Variants in FSTL4 observed in about 807,000 individuals in gnomAD.
The protein encoded by FSTL4 is follistatin-related protein 4.
Under a neutral mutation model 78.2 loss-of-function variants are expected in FSTL4, and 28 were observed. The ratio of observed to expected loss-of-function variants is 0.36; its 90% CI spans 0.27 to 0.49. The LOEUF (loss-of-function observed/expected upper bound fraction) is 0.49, where lower values mean the gene tolerates loss of function less well. FSTL4 is among the 20% of genes least tolerant of loss of function. FSTL4 has a pLI of 0.98. For synonymous variants in FSTL4, 422 were observed against 440.5 expected (o/e 0.96, Z 0.53); for missense variants, 922 against 1,084.9 (o/e 0.85, Z 2.11).
At position 133,213,844 on chromosome 5, in the gene FSTL4, C is replaced by T. The variant is rs750354503; in HGVS notation, c.1608+3385G>A. ...TAAATTAGATAAAAACCCAACTACA[C>T]GTGGCTTTATAAAAGAGGACCTTAA... On this transcript the variant is annotated intron_variant, in intron 13 of 15. Coordinates refer to ENST00000265342, the MANE Select transcript of FSTL4 (RefSeq NM_015082.2). Among the ~76,000 whole-genome samples, 9 of 152,020 alleles carry T rather than the reference C, an allele frequency of 5.9e-5. No homozygotes were observed. In the South Asian group the frequency reaches 1.0e-3, roughly 18 times the overall value.
At chr5:133,438,726 A>C (rs1435158264) in intron 3 of FSTL4, among the ~76,000 whole-genome samples, 1 of 152,224 alleles carries the variant, frequency 6.6e-6, no homozygotes, top group Non-Finnish European at 1.5e-5. Flanking sequence ...CACCTCATGG[A>C]AATGACATTA....
chr5:133,625,603 T>C, the FSTL4 span, among the ~76,000 whole-genome samples: 2 of 149,192 alleles, frequency 1.3e-5, no homozygotes, highest in Admixed American at 1.4e-4. Flanking sequence ...GTTTTTGTTT[T>C]CAATGTCATC....
intron 4 of FSTL4, among the ~76,000 whole-genome samples, chr5:133,341,004 C>G (rs891320674): frequency 6.6e-6 from 1 of 151,954 alleles, no homozygotes; most frequent in Admixed American, 6.6e-5. Context: ...CACCCCAAGG[C>G]CCAGGTGCGG....
At chr5:133,415,784 T>C (rs1756570275) in intron 3 of FSTL4, among the ~76,000 whole-genome samples, 1 of 152,150 alleles carries the variant, frequency 6.6e-6, no homozygotes, top group Admixed American at 6.5e-5. Context: ...AATCTAACAG[T>C]ATATAAATAT....
intron 6 of FSTL4, among the ~76,000 whole-genome samples, chr5:133,283,370 C>A (rs377034193): frequency 6.6e-6 from 1 of 152,134 alleles, no homozygotes; most frequent in African/African-American, 2.4e-5. Flanking sequence ...TGGACAGTGA[C>A]CTGGGCCCTG....
intron 7 of FSTL4, 130 bp downstream of exon 7, chr5:133,249,280 G>A: frequency 1.4e-6 from 1 of 720,784 alleles, no homozygotes; most frequent in African/African-American, 1.7e-5. Flanking sequence ...GCTGACAACA[G>A]GCTAGAAAAG....
intron 4 of FSTL4, among the ~76,000 whole-genome samples, chr5:133,329,946 C>T (rs1484156041): frequency 6.6e-6 from 1 of 152,198 alleles, no homozygotes; most frequent in Non-Finnish European, 1.5e-5. Flanking sequence ...CAAAGGCATT[C>T]CAAGGATGCA....
the FSTL4 span, among the ~76,000 whole-genome samples, chr5:133,836,040 T>C: frequency 1.3e-5 from 2 of 152,192 alleles, no homozygotes; most frequent in Admixed American, 1.3e-4. Context: ...CAGTAAAAGT[T>C]ACTTTTTCTC....
chr5:133,711,106 C>T, the FSTL4 span, among the ~76,000 whole-genome samples: 4 of 152,176 alleles, frequency 2.6e-5, no homozygotes, highest in Non-Finnish European at 5.9e-5. Flanking sequence ...TACCAAAGAG[C>T]AGTACAACCC....
intron 2 of FSTL4, among the ~76,000 whole-genome samples, chr5:133,590,279 A>T (rs1463867297): frequency 6.6e-6 from 1 of 152,086 alleles, no homozygotes; most frequent in African/African-American, 2.4e-5. Flanking sequence ...CACCCTAGAG[A>T]TGTCCCTGGT....
the FSTL4 span, among the ~76,000 whole-genome samples, chr5:133,617,852 A>T: frequency 6.6e-6 from 1 of 152,194 alleles, no homozygotes; most frequent in African/African-American, 2.4e-5. Flanking sequence ...AGGGCGTGGC[A>T]TACGAGAAGA....
intron 6 of FSTL4, among the ~76,000 whole-genome samples, chr5:133,268,782 G>A (rs1415396317): frequency 1.3e-5 from 2 of 152,162 alleles, no homozygotes; most frequent in Admixed American, 6.5e-5. Flanking sequence ...AGATATCTGT[G>A]ACCAACGACG....
At chr5:133,665,448 C>G in the FSTL4 span, among the ~76,000 whole-genome samples, 1 of 152,192 alleles carries the variant, frequency 6.6e-6, no homozygotes, top group East Asian at 1.9e-4. Flanking sequence ...AGCCTACTGG[C>G]CAGATCCTAA....
intron 6 of FSTL4, among the ~76,000 whole-genome samples, chr5:133,309,268 G>A (rs1753724290): frequency 6.6e-6 from 1 of 152,164 alleles, no homozygotes; most frequent in Non-Finnish European, 1.5e-5. Flanking sequence ...GAGGCAGAGG[G>A]CACTGCTGGA....
intron 3 of FSTL4, among the ~76,000 whole-genome samples, chr5:133,424,489 C>G (rs1409965527): frequency 6.6e-6 from 1 of 152,196 alleles, no homozygotes; most frequent in African/African-American, 2.4e-5. Flanking sequence ...TTTGCATTTC[C>G]GAGCAGTCTC....
chr5:133,500,677 C>CA (rs974288093), intron 3 of FSTL4, among the ~76,000 whole-genome samples: 1 of 151,736 alleles, frequency 6.6e-6, no homozygotes, highest in African/African-American at 2.4e-5. Flanking sequence ...ATAGTCATGT[C>CA]AAAAAAAATT....
intron 7 of FSTL4, among the ~76,000 whole-genome samples, chr5:133,242,082 C>T (rs1423800367): frequency 6.6e-6 from 1 of 152,226 alleles, no homozygotes. Flanking sequence ...AAATGCATCA[C>T]TTCCGAGAAC....
At chr5:133,270,592 G>A (rs541570157) in intron 6 of FSTL4, among the ~76,000 whole-genome samples, 1 of 152,328 alleles carries the variant, frequency 6.6e-6, no homozygotes, top group African/African-American at 2.4e-5. Flanking sequence ...AGTCCTGATT[G>A]CTTCTCTCCT....
the FSTL4 span, among the ~76,000 whole-genome samples, chr5:133,751,692 G>A: frequency 6.6e-6 from 1 of 152,110 alleles, no homozygotes; most frequent in Non-Finnish European, 1.5e-5. Flanking sequence ...AAACAAACTG[G>A]AATTATTGAC....
Sources: gnomAD v4.1 joint callset for allele counts (sites outside exome capture counted in the v4.1 genomes callset) on GRCh38, gnomAD v4.1.1 for gene constraint, MANE v1.5 for transcripts, NCBI Gene and HGNC (gene_info 2026-07-23, HGNC 2026-07-21) for gene names.